ACOT12: variants seen among roughly 807,000 people sequenced by gnomAD.
The protein encoded by ACOT12 is acyl-CoA thioesterase 12.
In ACOT12, 51 loss-of-function variants were observed where a neutral mutation model predicts 67.7. The observed-to-expected ratio is 0.75, with a 90% confidence interval of 0.60 to 0.95. The LOEUF (loss-of-function observed/expected upper bound fraction) is 0.95. Ranked by LOEUF, ACOT12 falls within the 40% of genes least tolerant of loss-of-function variation. The pLI, the probability that ACOT12 is intolerant of heterozygous loss-of-function variation, is 0.00. For synonymous variants in ACOT12, 251 were observed against 244.6 expected (o/e 1.03, Z -0.24); for missense variants, 734 against 708.1 (o/e 1.04, Z -0.41).
chr5:81,325,961 C>T (rs916060563), downstream of ACOT12, among the ~76,000 whole-genome samples: 7 of 151,898 alleles, frequency 4.6e-5, no homozygotes, highest in African/African-American at 1.5e-4. Flanking sequence ...AGGCATGCAC[C>T]ACCATGCCTG....
intron 2 of ACOT12, among the ~76,000 whole-genome samples, chr5:81,382,412 C>T (rs1760608879): frequency 6.6e-6 from 1 of 152,126 alleles, no homozygotes; most frequent in Non-Finnish European, 1.5e-5. Context: ...TATTAAGCAC[C>T]TTTAACTTTG....
chr5:81,318,813 G>A, the ACOT12 span, among the ~76,000 whole-genome samples: 1 of 152,216 alleles, frequency 6.6e-6, no homozygotes, highest in Non-Finnish European at 1.5e-5. Flanking sequence ...ACACTCAGGA[G>A]ATGGGGCTGT....
intron 2 of ACOT12, among the ~76,000 whole-genome samples, chr5:81,372,304 T>G (rs548508200): frequency 4.6e-5 from 7 of 152,186 alleles, no homozygotes; most frequent in Admixed American, 1.3e-4. Flanking sequence ...TTATTGAAAC[T>G]TCGATCATGT....
intron 5 of ACOT12, among the ~76,000 whole-genome samples, chr5:81,348,530 A>C (rs1759452777): frequency 6.6e-6 from 1 of 152,172 alleles, no homozygotes; most frequent in African/African-American, 2.4e-5. Context: ...AGTCACAAGC[A>C]GGAAAGACAC....
intron 11 of ACOT12, among the ~76,000 whole-genome samples, chr5:81,339,069 A>G (rs1759104981): frequency 6.6e-6 from 1 of 152,172 alleles, no homozygotes; most frequent in Non-Finnish European, 1.5e-5. Context: ...AAAGAGTGAG[A>G]CTCTATCTCA....
chr5:81,308,837 A>G, the ACOT12 span: 1 of 1,388,926 alleles, frequency 7.2e-7, no homozygotes, highest in Non-Finnish European at 9.6e-7. Flanking sequence ...ATGAGATTAA[A>G]TTTTAAGTTA....
At chr5:81,348,253 A>G (rs1259002776) in intron 5 of ACOT12, among the ~76,000 whole-genome samples, 1 of 152,232 alleles carries the variant, frequency 6.6e-6, no homozygotes, top group Non-Finnish European at 1.5e-5. Context: ...GGGACAGATC[A>G]GGACAGGAAG....
intron 1 of ACOT12, among the ~76,000 whole-genome samples, chr5:81,391,094 A>G (rs1760852637): frequency 6.6e-6 from 1 of 152,224 alleles, no homozygotes; most frequent in African/African-American, 2.4e-5. Flanking sequence ...AGAGATGGGC[A>G]CAACTATTTT....
chr5:81,343,725 C>A (rs531201334), intron 10 of ACOT12, 93 bp downstream of exon 10: 5 of 1,245,432 alleles, frequency 4.0e-6, no homozygotes, highest in Non-Finnish European at 5.7e-6. Flanking sequence ...ACATAGCCTG[C>A]GTAGGCACAG....
chr5:81,377,887 G>A (rs1332016248), intron 2 of ACOT12, among the ~76,000 whole-genome samples: 16 of 152,180 alleles, frequency 1.1e-4, no homozygotes, highest in African/African-American at 2.9e-4. Context: ...GGAAGAATCA[G>A]TATCATGAAA....
intron 3 of ACOT12, among the ~76,000 whole-genome samples, chr5:81,367,613 A>C (rs1390749782): frequency 6.6e-6 from 1 of 152,200 alleles, no homozygotes; most frequent in African/African-American, 2.4e-5. Context: ...GGATTACTAA[A>C]AATTACTCTG....
chr5:81,354,196 CTT>C (rs1383282195), intron 5 of ACOT12, among the ~76,000 whole-genome samples: 2 of 152,188 alleles, frequency 1.3e-5, no homozygotes, highest in Non-Finnish European at 2.9e-5. Context: ...TAAAAGAAGA[CTT>C]TGAGAAAAAT....
intron 3 of ACOT12, among the ~76,000 whole-genome samples, chr5:81,366,183 C>T (rs567060117): frequency 8.5e-5 from 13 of 152,296 alleles, no homozygotes; most frequent in African/African-American, 1.4e-4. Context: ...GAGTTTAAAA[C>T]GTATCTTTAA....
At position 81,330,736 on chromosome 5, in the gene ACOT12, T is replaced by A. The variant is rs924201031; in HGVS notation, c.1518+78A>T. The A allele has an allele frequency of 2.6e-6, 4 of 1,566,638 alleles. No homozygotes were observed. In the African/African-American group the frequency reaches 5.5e-5, roughly 21 times the overall value. On this transcript the variant is annotated intron_variant, in intron 14 of 14. Coordinates refer to ENST00000307624, the MANE Select transcript of ACOT12 (RefSeq NM_130767.3). ...CACAAATTACAAGATTACAATTAATTAGGACATCTGGGTAAATTAAGAGAT... is the reference window on the plus strand; with the variant it reads ...CACAAATTACAAGATTACAATTAATAAGGACATCTGGGTAAATTAAGAGAT...
rs189309791 is a variant in ACOT12 at position 81,393,279 on chromosome 5, T to G, written c.127+709A>C. Reference sequence around the variant, plus strand: ...TCCTCTCGCTACACTTTTGTTCTTGTGGAAAATAGTTATTTCTTAATTAAA... The same window carrying G: ...TCCTCTCGCTACACTTTTGTTCTTGGGGAAAATAGTTATTTCTTAATTAAA... On this transcript the variant is annotated intron_variant, in intron 1 of 14. Transcript: ENST00000307624. Among the ~76,000 whole-genome samples the G allele has an allele frequency of 3.9e-5, 6 of 152,354 alleles. No homozygotes were observed. The East Asian group carries it at 9.6e-4, about 24-fold the overall frequency.
chr5:81,330,768 C>T (rs758069890), intron 14 of ACOT12, 46 bp downstream of exon 14: 36 of 1,593,524 alleles, frequency 2.3e-5, no homozygotes, highest in Middle Eastern at 3.4e-4. Context: ...AGATTTTTCG[C>T]TATCTGGCAG....
chr5:81,349,727 T>C (rs1326903916), intron 5 of ACOT12, among the ~76,000 whole-genome samples: 1 of 152,242 alleles, frequency 6.6e-6, no homozygotes, highest in African/African-American at 2.4e-5. Context: ...AATTCTCATA[T>C]AATTCCTGAA....
At chr5:81,315,979 T>G in the ACOT12 span, among the ~76,000 whole-genome samples, 1 of 152,052 alleles carries the variant, frequency 6.6e-6, no homozygotes, top group African/African-American at 2.4e-5. Context: ...CCACGGGGGG[T>G]GGATTCTTGT....
At chr5:81,310,157 T>TAAAAAAAAAAAA in the ACOT12 span, among the ~76,000 whole-genome samples, 231 of 104,724 alleles carry the variant, frequency 2.2e-3, 5 homozygotes, top group South Asian at 4.6e-3. Flanking sequence ...TGACTAGCTG[T>TAAAAAAAAAAAA]AAAAAAAAAA....
Sources: allele counts gnomAD v4.1 joint callset (sites outside exome capture counted in the v4.1 genomes callset), GRCh38; gene constraint gnomAD v4.1.1; transcripts MANE v1.5; gene names NCBI Gene and HGNC (gene_info 2026-07-23, HGNC 2026-07-21).